The following ADAMTS3 variants were observed in gnomAD, a reference collection of about 807,000 sequenced individuals.
The protein encoded by ADAMTS3 is ADAM metallopeptidase with thrombospondin type 1 motif 3.
ADAMTS3 carries 73 observed loss-of-function variants against 129.0 expected under a neutral mutation model. That is an observed-to-expected ratio of 0.57 (90% CI 0.47 to 0.69). The LOEUF (loss-of-function observed/expected upper bound fraction) is 0.69, where lower values mean the gene tolerates loss of function less well. Among genes scored for constraint, ADAMTS3 ranks in the 30% least tolerant of loss-of-function variants. The pLI, the probability that ADAMTS3 is intolerant of heterozygous loss-of-function variation, is 0.00. For synonymous variants in ADAMTS3, 477 were observed against 510.8 expected (o/e 0.93, Z 0.89); for missense variants, 1,457 against 1,514.5 (o/e 0.96, Z 0.63).
In ADAMTS3 at chr4:72,414,935, T is replaced by G. The variant is rs779213856; in HGVS notation, c.541A>C (p.Ile181Leu). Residue 181 changes from isoleucine to leucine, a missense_variant, in exon 4 of 22, where the codon ATT becomes CTT. Transcript: ENST00000286657. ...MIKSDNEEYFIEPLERGKQME... is the reference protein window; with the variant it reads ...MIKSDNEEYFLEPLERGKQME... ...TGTTTACCTCTTTCCAAGGGTTCAA[T>G]GAAATACTCTTCATTATCACTTTTT... The G allele has an allele frequency of 1.9e-5, 29 of 1,563,060 alleles. 1 individual carries two copies. The highest frequency in any genetic ancestry group is 2.5e-5 in the Non-Finnish European group (29 of 1,159,094).
chr4:72,308,736 T>C (rs903173340), intron 15 of ADAMTS3, among the ~76,000 whole-genome samples: 1 of 151,900 alleles, frequency 6.6e-6, no homozygotes, highest in Non-Finnish European at 1.5e-5. Context: ...TGCCTATTAT[T>C]TGATGCATGA....
chr4:72,455,992 A>ATG (rs1408026509), intron 3 of ADAMTS3, among the ~76,000 whole-genome samples: 5 of 56,016 alleles, frequency 8.9e-5, no homozygotes, highest in Non-Finnish European at 1.7e-4. Context: ...TATATACTAT[A>ATG]TATATTTTAC....
chr4:72,316,865 C>A (rs923387451), intron 10 of ADAMTS3, among the ~76,000 whole-genome samples: 4 of 151,940 alleles, frequency 2.6e-5, no homozygotes, highest in African/African-American at 9.7e-5. Context: ...CATACCAATC[C>A]ATTGCTGAGA....
Position 72,414,880 on chromosome 4 carries a change from A to G in ADAMTS3, c.596T>C (p.Val199Ala), listed in dbSNP as rs1223091287. 1.3e-6 allele frequency: 2 copies of G among 1,584,260 alleles called. No homozygotes were observed. The highest frequency in any genetic ancestry group is 1.8e-5 in the Admixed American group (1 of 54,916). ...TTCTACAGCTGATCTCTTGTAGACA[A>G]CATGAATCCTTCCTTTTTCTTCCTC... is the stretch of plus-strand genomic sequence containing the variant. ...QMEEEKGRIH[V>A]VYKRSAVEQA... The change falls in exon 4 of 22, where the codon GTT (valine) becomes GCT (alanine). Residue 199 changes from valine to alanine, a missense_variant. Val to Ala is a moderately conservative substitution (Grantham distance 64). Coordinates refer to ENST00000286657, the MANE Select transcript of ADAMTS3 (RefSeq NM_014243.3).
chr4:72,478,946 G>C (rs1719331632), intron 3 of ADAMTS3, among the ~76,000 whole-genome samples: 1 of 151,956 alleles, frequency 6.6e-6, no homozygotes, highest in South Asian at 2.1e-4. Context: ...ATTCACAATT[G>C]CTTCAAAGAG....
chr4:72,467,197 T>C (rs974829882), intron 3 of ADAMTS3, among the ~76,000 whole-genome samples: 1 of 152,066 alleles, frequency 6.6e-6, no homozygotes, highest in African/African-American at 2.4e-5. Flanking sequence ...CTGGCTTTAT[T>C]TCTAACTGCC....
intron 4 of ADAMTS3, among the ~76,000 whole-genome samples, chr4:72,374,687 A>T (rs552385766): frequency 6.6e-6 from 1 of 152,206 alleles, no homozygotes; most frequent in Non-Finnish European, 1.5e-5. Context: ...ACATTTCAAG[A>T]GAATGAGGTG....
chr4:72,310,555 T>C (rs1490279089), intron 14 of ADAMTS3, among the ~76,000 whole-genome samples: 1 of 152,132 alleles, frequency 6.6e-6, no homozygotes, highest in Non-Finnish European at 1.5e-5. Context: ...AACCTGAGAT[T>C]AAATGGAGCA....
intron 16 of ADAMTS3, among the ~76,000 whole-genome samples, chr4:72,305,429 G>T (rs566097459): frequency 6.6e-6 from 1 of 151,928 alleles, no homozygotes; most frequent in African/African-American, 2.4e-5. Flanking sequence ...CAAAATATCA[G>T]AACTTATTTG....
chr4:72,534,395 T>C (rs1187481459), intron 3 of ADAMTS3, among the ~76,000 whole-genome samples: 1 of 152,144 alleles, frequency 6.6e-6, no homozygotes, highest in Non-Finnish European at 1.5e-5. Flanking sequence ...AGTTAATGAT[T>C]TCCTAATTCT....
chr4:72,405,325 T>A (rs1298291408), intron 4 of ADAMTS3, among the ~76,000 whole-genome samples: 2 of 151,888 alleles, frequency 1.3e-5, no homozygotes, highest in Admixed American at 1.3e-4. Flanking sequence ...ATAAAGAAAA[T>A]GTGGTATATA....
At chr4:72,456,919 T>C (rs1487668485) in intron 3 of ADAMTS3, among the ~76,000 whole-genome samples, 1 of 151,694 alleles carries the variant, frequency 6.6e-6, no homozygotes, top group Non-Finnish European at 1.5e-5. Flanking sequence ...GAGAAACTTG[T>C]TAAAGTGAAC....
intron 3 of ADAMTS3, among the ~76,000 whole-genome samples, chr4:72,447,661 G>GC (rs1308418681): frequency 6.6e-6 from 1 of 151,652 alleles, no homozygotes; most frequent in East Asian, 2.0e-4. Flanking sequence ...ATCTTTCATT[G>GC]CCCCACACTC....
intron 4 of ADAMTS3, among the ~76,000 whole-genome samples, chr4:72,384,597 G>C (rs1421212349): frequency 6.6e-6 from 1 of 152,026 alleles, no homozygotes; most frequent in East Asian, 1.9e-4. Context: ...CAAAAAGGTA[G>C]ATCACATAAA....
intron 3 of ADAMTS3, among the ~76,000 whole-genome samples, chr4:72,432,324 C>T (rs1427952063): frequency 4.0e-5 from 6 of 151,890 alleles, no homozygotes; most frequent in South Asian, 4.1e-4. Flanking sequence ...CTTTCCCTCC[C>T]GACCACACTA....
At chr4:72,429,333 T>C (rs1199381934) in intron 3 of ADAMTS3, among the ~76,000 whole-genome samples, 2 of 152,076 alleles carry the variant, frequency 1.3e-5, no homozygotes, top group East Asian at 3.9e-4. Context: ...ATTTTTACAA[T>C]TTTATAGAAT....
At chr4:72,384,827 TG>T (rs1190310848) in intron 4 of ADAMTS3, among the ~76,000 whole-genome samples, 2 of 152,046 alleles carry the variant, frequency 1.3e-5, no homozygotes, top group East Asian at 3.9e-4. Context: ...AAATATATGG[TG>T]GGATTTATAA....
At position 72,386,874 on chromosome 4, in the gene ADAMTS3, T is replaced by C. The variant is rs187989621; in HGVS notation, c.661+27941A>G. Among the ~76,000 whole-genome samples the C allele has an allele frequency of 8.3e-4, 127 of 152,324 alleles. 1 individual carries two copies. Among genetic ancestry groups the C allele is most frequent in the African/African-American group, 2.9e-3 (121 of 41,580 alleles). The stretch of plus-strand genomic sequence containing the variant: ...ATAAGAAAGTAGATTCTCACCATGG[T>C]AAACTAGCATTTTTTTAAGCAATCT... On this transcript the variant is annotated intron_variant, in intron 4 of 21. Transcript: ENST00000286657.
At chr4:72,386,855 A>C (rs183137260) in intron 4 of ADAMTS3, among the ~76,000 whole-genome samples, 3 of 152,326 alleles carry the variant, frequency 2.0e-5, no homozygotes, top group Admixed American at 1.3e-4. Context: ...GTTCATAAGA[A>C]AGTAGATTCT....
Sources: allele counts gnomAD v4.1 joint callset (sites outside exome capture counted in the v4.1 genomes callset), GRCh38; gene constraint gnomAD v4.1.1; transcripts MANE v1.5; gene names NCBI Gene and HGNC (gene_info 2026-07-23, HGNC 2026-07-21).